The following SLC22A11 variants were observed in gnomAD, a reference collection of about 807,000 sequenced individuals.
SLC22A11 encodes the protein solute carrier family 22 member 11.
SLC22A11 carries 42 observed loss-of-function variants against 49.4 expected under a neutral mutation model. That is an observed-to-expected ratio of 0.85 (90% CI 0.66 to 1.10). SLC22A11 has a LOEUF of 1.10. Among genes scored for constraint, SLC22A11 ranks in the 50% least tolerant of loss-of-function variants. SLC22A11 has a pLI of 0.00. For synonymous variants in SLC22A11, 304 were observed against 315.8 expected (o/e 0.96, Z 0.40); for missense variants, 685 against 731.6 (o/e 0.94, Z 0.74).
chr11:64,565,268 C>A lies in SLC22A11; in HGVS notation c.989C>A (p.Pro330Gln), dbSNP rs754587649. 1.6e-5 allele frequency: 25 copies of A among 1,550,318 alleles called. No individual in the cohort carries two copies. The Admixed American group carries it at 4.9e-4, about 30-fold the overall frequency. Reference sequence around the variant, plus strand: ...GAGGAGGTGGCCTCTGCAAAGGAGCCGCGGTCGGTGCTGGACCTGTTCTGC... The same window carrying A: ...GAGGAGGTGGCCTCTGCAAAGGAGCAGCGGTCGGTGCTGGACCTGTTCTGC... The part of the protein sequence containing the change: ...VKEEVASAKE[P>Q]RSVLDLFCVP... Residue 330 changes from proline (P) to glutamine (Q), a missense_variant, in exon 6 of 10, where the codon CCG (proline) becomes CAG (glutamine). Pro to Gln is a moderately conservative substitution (Grantham distance 76). Transcript: ENST00000301891. This position sits in a 1 kb window ranked among gnomAD's most constrained non-coding sequence, Gnocchi z 4.1.
intron 1 of SLC22A11, among the ~76,000 whole-genome samples, chr11:64,556,678 C>T (rs557267085): frequency 7.2e-5 from 11 of 152,222 alleles, no homozygotes; most frequent in Non-Finnish European, 1.6e-4. Flanking sequence ...ACCCATTAGC[C>T]GTGACTCCAG....
chr11:64,563,610 TAAAAAAAAAAAAAAAAAA>T (rs869085115), intron 4 of SLC22A11, among the ~76,000 whole-genome samples: 2 of 43,842 alleles, frequency 4.6e-5, no homozygotes, highest in Non-Finnish European at 3.8e-5. Context: ...TTAAATGTGC[TAAAAAAAAAAAAAAAAAA>T]AAAAAAAAAA....
chr11:64,559,148 G>A lies in SLC22A11; in HGVS notation c.407G>A (p.Cys136Tyr), dbSNP rs755248057. ...STIVAKWDLVCSSQGLKPLSQ... is the reference protein window; with the variant it reads ...STIVAKWDLVYSSQGLKPLSQ... Reference sequence around the variant, plus strand: ...CTCCTCTTGCAGTGGGACCTGGTGTGCAGCTCCCAGGGCTTGAAGCCCCTA... The same window carrying A: ...CTCCTCTTGCAGTGGGACCTGGTGTACAGCTCCCAGGGCTTGAAGCCCCTA... The change falls in exon 2 of 10, where the codon TGC becomes TAC. Residue 136 changes from cysteine to tyrosine, a missense_variant. By Grantham distance (194) the Cys-to-Tyr change is radical (BLOSUM62 -2). Transcript: ENST00000301891. The A allele has an allele frequency of 6.2e-7, 1 of 1,613,540 alleles. No homozygotes were observed. Among genetic ancestry groups the A allele is most frequent in the East Asian group, 2.2e-5 (1 of 44,840 alleles).
chr11:64,561,602 AATTTATTT>A (rs35789932), intron 2 of SLC22A11, among the ~76,000 whole-genome samples: 5,885 of 144,856 alleles, frequency 0.041, 304 homozygotes, highest in African/African-American at 0.12. Flanking sequence ...ACACCTGGCT[AATTTATTT>A]ATTTATTTAT....
chr11:64,568,518 C>T, intron 7 of SLC22A11, 152 bp from the exon 8 acceptor site: 1 of 663,756 alleles, frequency 1.5e-6, no homozygotes, highest in South Asian at 1.8e-5. Flanking sequence ...TCCCCCAACC[C>T]CAGCCCTGGG....
At chr11:64,558,090 G>A (rs2038488957) in intron 1 of SLC22A11, among the ~76,000 whole-genome samples, 1 of 152,028 alleles carries the variant, frequency 6.6e-6, no homozygotes, top group Non-Finnish European at 1.5e-5. Flanking sequence ...GAACCACCAC[G>A]CTTGGTCTAA....
chr11:64,567,870 G>C, intron 7 of SLC22A11, 57 bp downstream of exon 7: 1 of 1,502,550 alleles, frequency 6.7e-7, no homozygotes, highest in Non-Finnish European at 9.0e-7. Flanking sequence ...CCACCCCACT[G>C]CTCTGAGCGT....
chr11:64,564,568 C>T lies in SLC22A11; in HGVS notation c.942+140C>T, dbSNP rs2038597316. On this transcript the variant is annotated intron_variant, in intron 5 of 9. Transcript: ENST00000301891. This position sits in a 1 kb window ranked among gnomAD's most constrained non-coding sequence, Gnocchi z 4.2. Reference sequence around the variant, plus strand: ...CCAGCATCTCCACAGACACCACCAACACCTCCATCACCACCTCCACACAGA... The same window carrying T: ...CCAGCATCTCCACAGACACCACCAATACCTCCATCACCACCTCCACACAGA... The T allele has an allele frequency of 1.1e-6, 1 of 942,710 alleles. No homozygotes were observed. The highest frequency in any genetic ancestry group is 1.6e-6 in the Non-Finnish European group (1 of 628,986). The allele number at this position is 942,710 out of a possible 1,614,324, so 58.4% of individuals were successfully genotyped here. A position where few individuals can be genotyped will look rare whatever the true frequency, so the allele number is the denominator to read the frequency against.
chr11:64,558,908 G>A (rs1308701586), intron 1 of SLC22A11, among the ~76,000 whole-genome samples: 2 of 152,186 alleles, frequency 1.3e-5, no homozygotes, highest in South Asian at 2.1e-4. Context: ...ACTGGACCCC[G>A]TGGAGTGGCC....
At chr11:64,563,639 G>A (rs866747391) in intron 4 of SLC22A11, among the ~76,000 whole-genome samples, 29 of 47,076 alleles carry the variant, frequency 6.2e-4, no homozygotes, top group Non-Finnish European at 7.3e-4. Flanking sequence ...AAAAAAAAAA[G>A]GCCGGGCACA....
At chr11:64,570,834 C>A (rs1266846499) in intron 9 of SLC22A11, 145 bp from the exon 10 acceptor site, 27 of 683,406 alleles carry the variant, frequency 4.0e-5, no homozygotes, top group Non-Finnish European at 6.4e-5. Context: ...GTTTCAGGCA[C>A]TGTCCCGCTT....
intron 6 of SLC22A11, among the ~76,000 whole-genome samples, chr11:64,567,324 G>A (rs188393882): frequency 1.3e-5 from 2 of 152,258 alleles, no homozygotes; most frequent in Admixed American, 1.3e-4. Flanking sequence ...GTCCCAGCCA[G>A]AGAGGCAACG....
chr11:64,564,165 C>T lies in SLC22A11; in HGVS notation c.822-143C>T, dbSNP rs747316789. The T allele has an allele frequency of 3.6e-5, 39 of 1,082,662 alleles. No homozygotes were observed. The highest frequency in any genetic ancestry group is 4.8e-5 in the Non-Finnish European group (37 of 764,680). 67.1% of individuals were successfully genotyped at this position (1,082,662 alleles called of 1,614,324 possible). A position where few individuals can be genotyped will look rare whatever the true frequency, so the allele number is the denominator to read the frequency against. ...TGAAACCGCTGGGGACTGCCAGGCT[C>T]CTGGCTGGGCAGCAGCGGCACAGAA... On this transcript the variant is annotated intron_variant, in intron 4 of 9. Transcript: ENST00000301891. This position sits in a 1 kb window ranked among gnomAD's most constrained non-coding sequence, Gnocchi z 4.2.
chr11:64,560,936 G>A (rs1163267929), intron 2 of SLC22A11, among the ~76,000 whole-genome samples: 3 of 152,084 alleles, frequency 2.0e-5, no homozygotes, highest in Non-Finnish European at 4.4e-5. Context: ...CCCTTCTCTG[G>A]AGATCTCTTC....
At position 64,565,123 on chromosome 11, in the gene SLC22A11, C is replaced by A; in HGVS notation, c.943-99C>A. The A allele has an allele frequency of 1.1e-6, 1 of 931,366 alleles. No individual in the cohort carries two copies. The highest frequency in any genetic ancestry group is 1.6e-6 in the Non-Finnish European group (1 of 623,520). 57.7% of individuals were successfully genotyped at this position (931,366 alleles called of 1,614,324 possible). On this transcript the variant is annotated intron_variant, in intron 5 of 9. Coordinates refer to ENST00000301891, the MANE Select transcript of SLC22A11 (RefSeq NM_018484.4). The surrounding 1 kb of genome is among the most constrained non-coding windows in gnomAD (Gnocchi z 4.1). ...TCCAGAGGCCGAGGCCCAGGACAGG[C>A]TCCCCGTCACTCTGGCCACTTGGAC...
chr11:64,564,508 C>T lies in SLC22A11; in HGVS notation c.942+80C>T, dbSNP rs2038596405. On this transcript the variant is annotated intron_variant, in intron 5 of 9. Coordinates refer to ENST00000301891, the MANE Select transcript of SLC22A11 (RefSeq NM_018484.4). This position sits in a 1 kb window ranked among gnomAD's most constrained non-coding sequence, Gnocchi z 4.2. ...TCATCCGTGTGGCCTCCAACAGCAC[C>T]ACCCACTCCAGCACCACCTCCACCA... 3 of 1,547,484 alleles carry T rather than the reference C, an allele frequency of 1.9e-6. No homozygotes were observed. Among genetic ancestry groups the T allele is most frequent in the South Asian group, 1.2e-5 (1 of 83,478 alleles).
chr11:64,556,706 G>A (rs994133174), intron 1 of SLC22A11, among the ~76,000 whole-genome samples: 2 of 152,118 alleles, frequency 1.3e-5, no homozygotes, highest in African/African-American at 2.4e-5. Context: ...AGCTGCAGGG[G>A]GAAATCAGGG....
At chr11:64,556,437 T>C in intron 1 of SLC22A11, 45 bp downstream of exon 1, 1 of 1,595,312 alleles carries the variant, frequency 6.3e-7, no homozygotes, top group Non-Finnish European at 8.5e-7. Flanking sequence ...ACCTTGGAGG[T>C]CAGAGTCATG....
In SLC22A11 at chr11:64,565,709, C is replaced by T; in HGVS notation, c.1058+372C>T. The T allele has an allele frequency of 2.7e-6, 1 of 372,970 alleles. No homozygotes were observed. Among genetic ancestry groups the T allele is most frequent in the Non-Finnish European group, 5.3e-6 (1 of 187,748 alleles). The allele number at this position is 372,970 out of a possible 1,614,324, so 23.1% of individuals were successfully genotyped here. ...GTCATCGTTAGAGACTTACCACTTTCCTAGAGACCATGGCCATGCTCCTAG... is the reference window on the plus strand; with the variant it reads ...GTCATCGTTAGAGACTTACCACTTTTCTAGAGACCATGGCCATGCTCCTAG... On this transcript the variant is annotated intron_variant, in intron 6 of 9. Coordinates refer to ENST00000301891, the MANE Select transcript of SLC22A11 (RefSeq NM_018484.4). The surrounding 1 kb of genome is among the most constrained non-coding windows in gnomAD (Gnocchi z 4.1).
Sources: gnomAD v4.1 joint callset for allele counts (sites outside exome capture counted in the v4.1 genomes callset) on GRCh38, gnomAD v4.1.1 for gene constraint, Gnocchi (gnomAD v3.1) non-coding constraint, MANE v1.5 for transcripts, NCBI Gene and HGNC (gene_info 2026-07-23, HGNC 2026-07-21) for gene names.